AGA: variants seen among roughly 807,000 people sequenced by gnomAD.
The protein encoded by AGA is aspartylglucosaminidase.
Under a neutral mutation model 40.1 loss-of-function variants are expected in AGA, and 31 were observed. The observed-to-expected ratio is 0.77, with a 90% CI of 0.58 to 1.04. AGA has a LOEUF of 1.04. Ranked by LOEUF, AGA falls within the 50% of genes least tolerant of loss-of-function variation. The pLI, the probability that AGA is intolerant of heterozygous loss-of-function variation, is 0.00. For missense variants in AGA, 445 were observed against 435.4 expected (o/e 1.02, Z -0.20); for synonymous variants, 148 against 144.0 (o/e 1.03, Z -0.20).
rs1736604659 is a variant in AGA at position 177,430,815 on chromosome 4, A to G, written c.*893T>C. 2.2e-6 allele frequency: 1 copy of G among 454,006 alleles called. No individual in the cohort carries two copies. Among genetic ancestry groups the G allele is most frequent in the Non-Finnish European group, 4.4e-6 (1 of 226,678 alleles). The allele number at this position is 454,006 out of a possible 1,614,324, so 28.1% of individuals were successfully genotyped here. ...GTACATTTATTAATGACTGTTGATT[A>G]AAAAGATGATTTTGAAGGAAAAATG... is the stretch of plus-strand genomic sequence containing the variant. On this transcript the variant is annotated 3_prime_UTR_variant, in exon 9 of 9. Coordinates refer to ENST00000264595, the MANE Select transcript of AGA (RefSeq NM_000027.4).
Position 177,434,437 on chromosome 4 carries a change from C to A in AGA, c.751G>T (p.Ala251Ser). The change falls in exon 7 of 9, where the codon GCA becomes TCA. Residue 251 changes from alanine (A) to serine (S), a missense_variant. Transcript: ENST00000264595. ...PGAGAYADDT[A>S]GAAAATGNGD... ...TTCCCAGTGGCTGCGGCTGCCCCTG[C>A]AGTATCGTCAGCATAGGCTCCAGCT... 4 of 1,614,162 alleles carry A rather than the reference C, an allele frequency of 2.5e-6. No individual in the cohort carries two copies. Among genetic ancestry groups the A allele is most frequent in the Non-Finnish European group, 3.4e-6 (4 of 1,180,028 alleles).
At chr4:177,438,917 A>G (rs943541481) in intron 3 of AGA, 60 bp from the exon 4 acceptor site, 3 of 1,011,430 alleles carry the variant, frequency 3.0e-6, no homozygotes, top group Non-Finnish European at 4.7e-6. Context: ...CAACAAAAAT[A>G]TATGTACTAG....
intron 8 of AGA, among the ~76,000 whole-genome samples, chr4:177,432,709 T>C (rs1235569460): frequency 6.6e-6 from 1 of 152,166 alleles, no homozygotes; most frequent in Admixed American, 6.5e-5. Flanking sequence ...TAGGCTCATA[T>C]GGAAAGTAAA....
At chr4:177,441,062 T>C (rs1482806908) in intron 1 of AGA, among the ~76,000 whole-genome samples, 3 of 152,132 alleles carry the variant, frequency 2.0e-5, no homozygotes, top group African/African-American at 4.8e-5. Flanking sequence ...CAGGATCCCA[T>C]ACATTTGGGG....
rs765010653 is a variant in AGA, at chr4:177,442,383, C to T, written c.-8G>A. ...GTTCGACTTCCGCGCCATCCCTGAC[C>T]ACCGAAGAGACCAGCGCGAGAAAAG... On this transcript the variant is annotated 5_prime_UTR_variant, in exon 1 of 9. Coordinates refer to ENST00000264595, the MANE Select transcript of AGA (RefSeq NM_000027.4). 6.2e-7 allele frequency: 1 copy of T among 1,614,014 alleles called. No individual in the cohort carries two copies. Among genetic ancestry groups the T allele is most frequent in the African/African-American group, 1.3e-5 (1 of 75,050 alleles).
chr4:177,440,068 A>T, intron 2 of AGA: 2 of 631,468 alleles, frequency 3.2e-6, no homozygotes, highest in Non-Finnish European at 5.5e-6. Flanking sequence ...GTTCTAAGGG[A>T]CTACCTATCT....
intron 8 of AGA, among the ~76,000 whole-genome samples, chr4:177,432,470 C>T (rs1435848334): frequency 1.3e-5 from 2 of 151,940 alleles, no homozygotes; most frequent in Non-Finnish European, 2.9e-5. Context: ...AAAGCTTTTC[C>T]CCTTCATAAT....
rs907013869 is a variant in AGA at position 177,431,257 on chromosome 4, A to C, written c.*451T>G. 15 of 438,574 alleles carry C rather than the reference A, an allele frequency of 3.4e-5. No homozygotes were observed. Among genetic ancestry groups the C allele is most frequent in the African/African-American group, 2.2e-4 (11 of 49,122 alleles). The allele number at this position is 438,574 out of a possible 1,614,324, so 27.2% of individuals were successfully genotyped here. A position where few individuals can be genotyped will look rare whatever the true frequency, so the allele number is the denominator to read the frequency against. ...TAAAACCAATAATCAGTGCTAAGACATGCATCACTGTGACATAATGAAATT... is the reference window on the plus strand; with the variant it reads ...TAAAACCAATAATCAGTGCTAAGACCTGCATCACTGTGACATAATGAAATT... On this transcript the variant is annotated 3_prime_UTR_variant, in exon 9 of 9. Coordinates refer to ENST00000264595, the MANE Select transcript of AGA (RefSeq NM_000027.4).
At chr4:177,438,051 G>A (rs1462155083) in intron 4 of AGA, among the ~76,000 whole-genome samples, 1 of 152,140 alleles carries the variant, frequency 6.6e-6, no homozygotes, top group African/African-American at 2.4e-5. Flanking sequence ...CATAAATTTA[G>A]GTTGTGTATG....
chr4:177,440,255 C>A lies in AGA; in HGVS notation c.281+18G>T, dbSNP rs376346895. ...ATGTAACTCAACATAATAAATAGGA[C>A]CTGAACGGTGTTCTTACCCATCCAT... is the stretch of plus-strand genomic sequence containing the variant. On this transcript the variant is annotated intron_variant, in intron 2 of 8. Coordinates refer to ENST00000264595, the MANE Select transcript of AGA (RefSeq NM_000027.4). 2 of 1,613,598 alleles carry A rather than the reference C, an allele frequency of 1.2e-6. No individual in the cohort carries two copies. Among genetic ancestry groups the A allele is most frequent in the Non-Finnish European group, 1.7e-6 (2 of 1,179,862 alleles).
rs764357395 is a variant in AGA at position 177,439,640 on chromosome 4, AT to A, written c.329del (p.Asn110MetfsTer18). The A allele has an allele frequency of 6.2e-7, 1 of 1,612,246 alleles. No homozygotes were observed. Among genetic ancestry groups the A allele is most frequent in the Non-Finnish European group, 8.5e-7 (1 of 1,178,868 alleles). ...GTACTTTCCGTGCCACACCAATAGCATTTTTAATTCGTCTGAGATCTCCTAC... is the reference window on the plus strand; with the variant it reads ...GTACTTTCCGTGCCACACCAATAGCATTTTAATTCGTCTGAGATCTCCTAC... ...GAVGDLRRIK[N>X]AIGVARKVLE... is the part of the protein sequence containing the mutation. On this transcript the variant is annotated frameshift_variant, in exon 3 of 9. Transcript: ENST00000264595. LOFTEE classifies it high-confidence loss of function.
At chr4:177,437,331 G>A (rs1736855705) in intron 5 of AGA, 74 bp downstream of exon 5, 2 of 1,024,816 alleles carry the variant, frequency 2.0e-6, no homozygotes, top group East Asian at 4.9e-5. Flanking sequence ...ACTTCTGGTA[G>A]AAGAATAGGG....
At chr4:177,436,709 C>G (rs1326455145) in intron 5 of AGA, among the ~76,000 whole-genome samples, 1 of 152,212 alleles carries the variant, frequency 6.6e-6, no homozygotes, top group South Asian at 2.1e-4. Flanking sequence ...AACTTCCCAG[C>G]CTCCGTAACT....
At chr4:177,441,449 G>A (rs1476334000) in intron 1 of AGA, among the ~76,000 whole-genome samples, 1 of 152,112 alleles carries the variant, frequency 6.6e-6, no homozygotes, top group Non-Finnish European at 1.5e-5. Flanking sequence ...AAAGAAACAA[G>A]CATAGTACAA....
At position 177,431,588 on chromosome 4, in the gene AGA, TG is replaced by T. The variant is rs1213528394; in HGVS notation, c.*119del. 1 of 812,286 alleles carries T rather than the reference TG, an allele frequency of 1.2e-6. No individual in the cohort carries two copies. The highest frequency in any genetic ancestry group is 2.1e-6 in the Non-Finnish European group (1 of 479,968). The allele number at this position is 812,286 out of a possible 1,614,324, so 50.3% of individuals were successfully genotyped here. A position where few individuals can be genotyped will look rare whatever the true frequency, so the allele number is the denominator to read the frequency against. ...TGCCAATTCAACATAAATTTATTTT[TG>T]TGTTTATTTTACAAAAAGACTTTAG... On this transcript the variant is annotated 3_prime_UTR_variant, in exon 9 of 9. Transcript: ENST00000264595.
intron 4 of AGA, 41 bp downstream of exon 4, chr4:177,438,704 T>A: frequency 7.5e-7 from 1 of 1,341,604 alleles, no homozygotes; most frequent in Non-Finnish European, 1.1e-6. Context: ...TCACTGAATA[T>A]TTTCAATTAA....
rs186655631 is a variant in AGA at position 177,433,193 on chromosome 4, C to T, written c.940+21G>A. 1,709 of 1,613,870 alleles carry T rather than the reference C, an allele frequency of 1.1e-3. 10 individuals carry two copies. The Middle Eastern group carries it at 0.017, about 16-fold the overall frequency. ...AAATATTTGGAAGTTCACACAAATACAAAATCCAAACACAACTTACCGTAA... is the reference window on the plus strand; with the variant it reads ...AAATATTTGGAAGTTCACACAAATATAAAATCCAAACACAACTTACCGTAA... On this transcript the variant is annotated intron_variant, in intron 8 of 8. Coordinates refer to ENST00000264595, the MANE Select transcript of AGA (RefSeq NM_000027.4).
intron 1 of AGA, among the ~76,000 whole-genome samples, chr4:177,440,960 T>G (rs532339692): frequency 2.0e-5 from 3 of 152,210 alleles, no homozygotes; most frequent in Non-Finnish European, 4.4e-5. Flanking sequence ...TGGTAGGTAC[T>G]GTACAATCAC....
intron 4 of AGA, among the ~76,000 whole-genome samples, chr4:177,438,033 T>C (rs1413349041): frequency 1.3e-5 from 2 of 152,222 alleles, no homozygotes; most frequent in Admixed American, 1.3e-4. Flanking sequence ...AAGAATATAA[T>C]GCAAACTCAT....
Sources: gnomAD v4.1 joint callset for allele counts (sites outside exome capture counted in the v4.1 genomes callset) on GRCh38, gnomAD v4.1.1 for gene constraint, MANE v1.5 for transcripts, NCBI Gene and HGNC (gene_info 2026-07-23, HGNC 2026-07-21) for gene names.